VWC2L: variants seen among roughly 807,000 people sequenced by gnomAD.
VWC2L encodes von Willebrand factor C domain-containing protein 2-like.
Under a neutral mutation model 21.6 loss-of-function variants are expected in VWC2L, and 10 were observed. The observed-to-expected ratio is 0.46, with a 90% CI of 0.29 to 0.78. The LOEUF is 0.78. VWC2L is among the 30% of genes least tolerant of loss of function. VWC2L has a pLI of 0.10. For missense variants in VWC2L, 209 were observed against 277.1 expected (o/e 0.75, Z 1.74); for synonymous variants, 96 against 94.3 (o/e 1.02, Z -0.10).
chr2:214,467,649 C>T (rs1336529497), intron 3 of VWC2L, among the ~76,000 whole-genome samples: 1 of 152,098 alleles, frequency 6.6e-6, no homozygotes, highest in Non-Finnish European at 1.5e-5. Context: ...TACTTTACAA[C>T]TTGTATTTTT....
intron 3 of VWC2L, among the ~76,000 whole-genome samples, chr2:214,479,049 G>A (rs569629623): frequency 6.6e-6 from 1 of 152,230 alleles, no homozygotes; most frequent in South Asian, 2.1e-4. Flanking sequence ...TCTCTTCAGC[G>A]ATGCCCCCTC....
At chr2:214,477,931 A>AT (rs1319268008) in intron 3 of VWC2L, among the ~76,000 whole-genome samples, 2 of 152,198 alleles carry the variant, frequency 1.3e-5, no homozygotes, top group Non-Finnish European at 2.9e-5. Flanking sequence ...ATGAAAAAAA[A>AT]CTTTCTTTTT....
At chr2:214,526,755 G>C (rs561451375) in intron 3 of VWC2L, among the ~76,000 whole-genome samples, 1 of 152,300 alleles carries the variant, frequency 6.6e-6, no homozygotes, top group Non-Finnish European at 1.5e-5. Flanking sequence ...TACCATGCTG[G>C]TGAGAATGTA....
intron 3 of VWC2L, among the ~76,000 whole-genome samples, chr2:214,451,944 T>C (rs368426860): frequency 5.9e-5 from 9 of 152,344 alleles, no homozygotes; most frequent in African/African-American, 1.7e-4. Flanking sequence ...TGTGAAACTA[T>C]TGTCATAATC....
At chr2:214,560,652 T>C (rs1357109104) in intron 3 of VWC2L, among the ~76,000 whole-genome samples, 1 of 152,240 alleles carries the variant, frequency 6.6e-6, no homozygotes, top group Non-Finnish European at 1.5e-5. Flanking sequence ...ACTATTTTTT[T>C]AACCTGTTTC....
chr2:214,529,419 C>T (rs898504941), intron 3 of VWC2L, among the ~76,000 whole-genome samples: 2 of 152,086 alleles, frequency 1.3e-5, no homozygotes, highest in South Asian at 4.1e-4. Flanking sequence ...ATGAACAGTT[C>T]CTGGTTCATG....
intron 3 of VWC2L, among the ~76,000 whole-genome samples, chr2:214,470,745 C>T (rs1309820821): frequency 6.6e-6 from 1 of 151,222 alleles, no homozygotes; most frequent in Non-Finnish European, 1.5e-5. Flanking sequence ...CCCATCTCTA[C>T]TAAAAAAAAA....
chr2:214,544,056 C>T (rs1014083055), intron 3 of VWC2L, among the ~76,000 whole-genome samples: 1 of 152,170 alleles, frequency 6.6e-6, no homozygotes, highest in Non-Finnish European at 1.5e-5. Flanking sequence ...GTATTGTTAT[C>T]TCTGCCTAAA....
At chr2:214,536,427 G>A (rs1354881699) in intron 3 of VWC2L, among the ~76,000 whole-genome samples, 2 of 151,996 alleles carry the variant, frequency 1.3e-5, no homozygotes, top group African/African-American at 4.8e-5. Context: ...ATACTTTTCA[G>A]CCAGCTAGGA....
intron 3 of VWC2L, among the ~76,000 whole-genome samples, chr2:214,461,758 CT>C (rs1703144710): frequency 6.6e-6 from 1 of 152,136 alleles, no homozygotes; most frequent in Non-Finnish European, 1.5e-5. Context: ...CCCAGGTTCC[CT>C]AACAGCATGG....
At chr2:214,520,634 G>A (rs1228694871) in intron 3 of VWC2L, among the ~76,000 whole-genome samples, 3 of 152,156 alleles carry the variant, frequency 2.0e-5, no homozygotes, top group Non-Finnish European at 4.4e-5. Flanking sequence ...CACCAGTGAT[G>A]CACAACGGTG....
At chr2:214,565,961 C>T (rs954784709) in intron 3 of VWC2L, among the ~76,000 whole-genome samples, 1 of 152,076 alleles carries the variant, frequency 6.6e-6, no homozygotes, top group South Asian at 2.1e-4. Context: ...TAATTTTATC[C>T]TTTTACTCCT....
At chr2:214,443,391 CA>C (rs1036011773) in intron 3 of VWC2L, among the ~76,000 whole-genome samples, 5 of 146,042 alleles carry the variant, frequency 3.4e-5, no homozygotes, top group African/African-American at 5.0e-5. Context: ...AACAAAAAAA[CA>C]AAAAAAAAAC....
At chr2:214,544,676 C>G (rs12329318) in intron 3 of VWC2L, among the ~76,000 whole-genome samples, 37,520 of 151,920 alleles carry the variant, frequency 0.25, 4,789 homozygotes, top group Middle Eastern at 0.35. Context: ...TCTCTTCCCC[C>G]CTCTGAGTTC....
intron 3 of VWC2L, among the ~76,000 whole-genome samples, chr2:214,443,960 A>T (rs1396465940): frequency 6.6e-6 from 1 of 152,188 alleles, no homozygotes; most frequent in Non-Finnish European, 1.5e-5. Flanking sequence ...AACTACTATA[A>T]GCAAGAGAAT....
intron 3 of VWC2L, among the ~76,000 whole-genome samples, chr2:214,437,674 C>CT (rs1466635777): frequency 3.9e-5 from 6 of 152,096 alleles, no homozygotes; most frequent in Non-Finnish European, 5.9e-5. Context: ...CCATCTTTCT[C>CT]TATTATTTTT....
At chr2:214,420,971 C>G (rs1702429457) in intron 2 of VWC2L, among the ~76,000 whole-genome samples, 2 of 152,196 alleles carry the variant, frequency 1.3e-5, no homozygotes, top group South Asian at 4.1e-4. Context: ...GAGGCTCAGC[C>G]TCAGCATGCA....
At chr2:214,466,552 AG>A (rs1316866907) in intron 3 of VWC2L, among the ~76,000 whole-genome samples, 1 of 152,194 alleles carries the variant, frequency 6.6e-6, no homozygotes, top group Non-Finnish European at 1.5e-5. Flanking sequence ...TTTTTTAAAA[AG>A]GTTGTCTACT....
intron 2 of VWC2L, among the ~76,000 whole-genome samples, chr2:214,422,880 A>T (rs776886484): frequency 2.0e-5 from 3 of 152,190 alleles, no homozygotes; most frequent in Non-Finnish European, 2.9e-5. Context: ...CAGGGTATAA[A>T]CATGCACTGA....
Sources: allele counts gnomAD v4.1 joint callset (sites outside exome capture counted in the v4.1 genomes callset), GRCh38; gene constraint gnomAD v4.1.1; transcripts MANE v1.5; gene names NCBI Gene and HGNC (gene_info 2026-07-23, HGNC 2026-07-21).